The following TTC1 variants were observed in gnomAD, a reference collection of about 807,000 sequenced individuals.
TTC1 encodes the protein tetratricopeptide repeat domain 1.
A neutral mutation model predicts 37.6 loss-of-function variants in TTC1; 31 were observed. The observed-to-expected ratio is 0.82, with a 90% CI of 0.62 to 1.11. The LOEUF is 1.11. Among genes scored for constraint, TTC1 ranks in the 50% most tolerant of loss-of-function variants. The probability of loss-of-function intolerance (pLI) is 0.00; values close to 1 mark genes in which losing one functional copy is unlikely to be tolerated. For missense variants in TTC1, 351 were observed against 339.0 expected (o/e 1.04, Z -0.28); for synonymous variants, 127 against 122.4 (o/e 1.04, Z -0.25).
chr5:160,056,493 G>A (rs564187396), intron 7 of TTC1, among the ~76,000 whole-genome samples: 2 of 152,266 alleles, frequency 1.3e-5, no homozygotes, highest in African/African-American at 4.8e-5. Flanking sequence ...ACTTGAGCCT[G>A]GGAGGTCAAG....
intron 4 of TTC1, among the ~76,000 whole-genome samples, chr5:160,041,807 G>GT (rs1374058189): frequency 3.3e-5 from 5 of 152,234 alleles, no homozygotes; most frequent in Non-Finnish European, 1.5e-5. Context: ...AAACGTCATT[G>GT]TACAGTGCAT....
At chr5:160,021,978 A>T (rs184851534) in intron 2 of TTC1, among the ~76,000 whole-genome samples, 1 of 152,132 alleles carries the variant, frequency 6.6e-6, no homozygotes, top group Non-Finnish European at 1.5e-5. Flanking sequence ...CATAAAGTGT[A>T]TGCCGTTTTA....
At chr5:160,034,022 A>G (rs1756961767) in intron 2 of TTC1, among the ~76,000 whole-genome samples, 1 of 152,220 alleles carries the variant, frequency 6.6e-6, no homozygotes, top group Non-Finnish European at 1.5e-5. Context: ...AGGCTGAGGC[A>G]GAAGGATCAC....
intron 2 of TTC1, among the ~76,000 whole-genome samples, chr5:160,027,900 C>T (rs912008131): frequency 1.3e-5 from 2 of 152,186 alleles, no homozygotes; most frequent in African/African-American, 4.8e-5. Flanking sequence ...TCTCTCACCA[C>T]TCTGATACTC....
intron 6 of TTC1, 119 bp downstream of exon 6, chr5:160,049,781 T>C: frequency 1.1e-6 from 1 of 949,238 alleles, no homozygotes; most frequent in Non-Finnish European, 1.5e-6. Flanking sequence ...GAGGAGCTTA[T>C]CAAGATATAT....
chr5:160,030,167 G>A (rs1419700482), intron 2 of TTC1, among the ~76,000 whole-genome samples: 1 of 152,234 alleles, frequency 6.6e-6, no homozygotes, highest in Non-Finnish European at 1.5e-5. Context: ...GCCCCAGGGA[G>A]GAGCTGTGGT....
rs569767401 is a variant in TTC1 at position 160,041,855 on chromosome 5, G to A, written c.505-1278G>A. On this transcript the variant is annotated intron_variant, in intron 4 of 7. Coordinates refer to ENST00000231238, the MANE Select transcript of TTC1 (RefSeq NM_003314.3). ...TTCTGTGGATTAAAATACCTTCACA[G>A]TGTTATACAGCCAACACCACTATCT... 1.2e-4 allele frequency among the ~76,000 whole-genome samples: 19 copies of A among 152,300 alleles called. No homozygotes were observed. In the Middle Eastern group the frequency reaches 0.01, roughly 82 times the overall value.
intron 2 of TTC1, among the ~76,000 whole-genome samples, chr5:160,030,554 A>G (rs1422247201): frequency 4.6e-5 from 7 of 152,198 alleles, no homozygotes; most frequent in South Asian, 4.1e-4. Context: ...ATAGGTTGTA[A>G]TGAATTTTGA....
intron 4 of TTC1, among the ~76,000 whole-genome samples, chr5:160,037,568 T>C (rs1447681707): frequency 6.6e-6 from 1 of 152,166 alleles, no homozygotes; most frequent in Middle Eastern, 3.4e-3. Flanking sequence ...ATACAAAAAT[T>C]AGCCAGGCAT....
At chr5:160,024,136 T>G (rs1756761347) in intron 2 of TTC1, 2 of 623,214 alleles carry the variant, frequency 3.2e-6, no homozygotes, top group Non-Finnish European at 5.7e-6. Flanking sequence ...TGCCTACACA[T>G]TCTGTGCCAT....
Position 160,020,488 on chromosome 5 carries a change from A to C in TTC1, c.330+9630A>C, listed in dbSNP as rs186906497. On this transcript the variant is annotated intron_variant, in intron 2 of 7. Transcript: ENST00000231238. ...AGGGGTCGTCAACCCCCGGCCATGT[A>C]CTGATACCAGTCTGTGGCCTGTAAG... Among the ~76,000 whole-genome samples, 29 of 152,304 alleles carry C rather than the reference A, an allele frequency of 1.9e-4. No homozygotes were observed. The East Asian group carries it at 2.9e-3, about 15-fold the overall frequency.
At chr5:160,009,830 C>G (rs1382980349) in intron 1 of TTC1, among the ~76,000 whole-genome samples, 1 of 152,138 alleles carries the variant, frequency 6.6e-6, no homozygotes, top group East Asian at 1.9e-4. Flanking sequence ...GGCTCTACCA[C>G]ACGCATTTGG....
intron 5 of TTC1, among the ~76,000 whole-genome samples, chr5:160,044,759 G>C (rs1561634239): frequency 6.6e-6 from 1 of 152,136 alleles, no homozygotes; most frequent in Non-Finnish European, 1.5e-5. Flanking sequence ...GTCTCATCCT[G>C]TGACTAAGAA....
rs779266740 is a variant in TTC1 at position 160,010,552 on chromosome 5, T to G, written c.24T>G (p.Cys8Trp). The G allele has an allele frequency of 9.9e-6, 16 of 1,613,856 alleles. No individual in the cohort carries two copies. The South Asian group carries it at 1.6e-4, about 17-fold the overall frequency. ...GCATGGGGGAGAAGTCAGAGAACTG[T>G]GGGGTTCCAGAGGATCTGTTAAATG... MGEKSEN[C>W]GVPEDLLNGL... Residue 8 changes from cysteine to tryptophan, a missense_variant, in exon 2 of 8, where the codon TGT becomes TGG. Physicochemically the swap from Cys to Trp is radical, Grantham distance 215. Transcript: ENST00000231238.
chr5:160,048,813 T>G (rs1757325973), intron 5 of TTC1, among the ~76,000 whole-genome samples: 3 of 152,174 alleles, frequency 2.0e-5, no homozygotes, highest in African/African-American at 7.2e-5. Context: ...TAGCCGGGCA[T>G]GGTGGCGCAT....
At chr5:160,044,463 A>G (rs1757164477) in intron 5 of TTC1, among the ~76,000 whole-genome samples, 1 of 152,226 alleles carries the variant, frequency 6.6e-6, no homozygotes, top group Non-Finnish European at 1.5e-5. Context: ...TACTCATGAG[A>G]TTTCCAAGAA....
intron 7 of TTC1, among the ~76,000 whole-genome samples, chr5:160,054,215 G>A (rs1463102499): frequency 6.6e-6 from 1 of 152,148 alleles, no homozygotes. Context: ...TAGAGACCCT[G>A]GACATAGCAT....
In TTC1 at chr5:160,010,817, C is replaced by G. The variant is rs769425474; in HGVS notation, c.289C>G (p.Leu97Val). ...TTCCTCTGAACTAGATGAAGAATAC[C>G]TAATAGAACTGGAAAAAAACATGTC... ...VNSSELDEEY[L>V]IELEKNMSDE... The change falls in exon 2 of 8, where the codon CTA (leucine) becomes GTA (valine). Residue 97 changes from leucine to valine, a missense_variant. Leu to Val is a conservative substitution (Grantham distance 32). Coordinates refer to ENST00000231238, the MANE Select transcript of TTC1 (RefSeq NM_003314.3). The G allele has an allele frequency of 6.2e-7, 1 of 1,613,266 alleles. No homozygotes were observed. The highest frequency in any genetic ancestry group is 1.1e-5 in the South Asian group (1 of 91,072).
chr5:160,061,068 G>A (rs1222887584), intron 7 of TTC1, among the ~76,000 whole-genome samples: 4 of 152,176 alleles, frequency 2.6e-5, no homozygotes, highest in Admixed American at 6.5e-5. Context: ...CCTGTGGCAC[G>A]GGAACCGTAG....
Sources: allele counts gnomAD v4.1 joint callset (sites outside exome capture counted in the v4.1 genomes callset), GRCh38; gene constraint gnomAD v4.1.1; transcripts MANE v1.5; gene names NCBI Gene and HGNC (gene_info 2026-07-23, HGNC 2026-07-21).